SHOC2: variants seen among roughly 807,000 people sequenced by gnomAD.
The protein encoded by SHOC2 is leucine-rich repeat protein SHOC-2.
Under a neutral mutation model 50.2 loss-of-function variants are expected in SHOC2, and 4 were observed. The observed-to-expected ratio is 0.08, with a 90% CI of 0.04 to 0.18. The LOEUF (loss-of-function observed/expected upper bound fraction) is 0.18. SHOC2 is among the 10% of genes least tolerant of loss of function. The pLI, the probability that SHOC2 is intolerant of heterozygous loss-of-function variation, is 1.00. For synonymous variants in SHOC2, 218 were observed against 244.5 expected, an observed-to-expected ratio of 0.89 and a Z score of 1.01; for missense variants, 388 against 669.6, an observed-to-expected ratio of 0.58 and a Z score of 4.64.
chr10:110,976,705 A>G (rs1448087497), intron 2 of SHOC2, among the ~76,000 whole-genome samples: 4 of 151,974 alleles, frequency 2.6e-5, no homozygotes, highest in Non-Finnish European at 5.9e-5. Flanking sequence ...ACACCTCTGC[A>G]TTTTCTTATA....
At chr10:110,947,822 A>G (rs1397810929) in intron 1 of SHOC2, among the ~76,000 whole-genome samples, 1 of 152,078 alleles carries the variant, frequency 6.6e-6, no homozygotes, top group African/African-American at 2.4e-5. Context: ...GATGAAAGAA[A>G]TAGAGGAGCT....
intron 3 of SHOC2, among the ~76,000 whole-genome samples, chr10:110,989,895 T>G (rs1848149029): frequency 6.6e-6 from 1 of 152,160 alleles, no homozygotes; most frequent in African/African-American, 2.4e-5. Context: ...GTGTTCAGTA[T>G]AGTAAATATG....
intron 1 of SHOC2, among the ~76,000 whole-genome samples, chr10:110,958,278 G>A (rs1039819200): frequency 3.6e-4 from 54 of 151,068 alleles, no homozygotes; most frequent in African/African-American, 1.3e-3. Context: ...GCAGTGGTGC[G>A]ATCTTGGCTC....
chr10:110,989,911 C>T (rs1466530174), intron 3 of SHOC2, among the ~76,000 whole-genome samples: 1 of 152,010 alleles, frequency 6.6e-6, no homozygotes, highest in Non-Finnish European at 1.5e-5. Context: ...ATATGTCACA[C>T]AGTGACATAT....
chr10:110,925,633 T>G (rs1215297983), intron 1 of SHOC2, among the ~76,000 whole-genome samples: 1 of 152,166 alleles, frequency 6.6e-6, no homozygotes, highest in Non-Finnish European at 1.5e-5. Context: ...ATTTTTCTAT[T>G]TTTTGTAGAG....
At chr10:110,997,922 A>G (rs1336101447) in intron 3 of SHOC2, among the ~76,000 whole-genome samples, 2 of 151,720 alleles carry the variant, frequency 1.3e-5, no homozygotes, top group Non-Finnish European at 2.9e-5. Context: ...ATTATATATG[A>G]CTTAATTAAC....
chr10:110,956,134 T>C (rs1323776906), intron 1 of SHOC2, among the ~76,000 whole-genome samples: 1 of 152,110 alleles, frequency 6.6e-6, no homozygotes, highest in African/African-American at 2.4e-5. Flanking sequence ...GGTATCTGCA[T>C]GTGCCTAATT....
chr10:110,932,894 T>C (rs372112517), intron 1 of SHOC2, among the ~76,000 whole-genome samples: 8 of 152,216 alleles, frequency 5.3e-5, no homozygotes, highest in African/African-American at 1.7e-4. Flanking sequence ...TTTATATTTA[T>C]AAAAATTTAA....
intron 3 of SHOC2, among the ~76,000 whole-genome samples, chr10:110,997,838 A>G (rs1848296712): frequency 6.6e-6 from 1 of 152,042 alleles, no homozygotes; most frequent in Non-Finnish European, 1.5e-5. Flanking sequence ...TGGTTTTTCT[A>G]TTACATTGTG....
intron 1 of SHOC2, among the ~76,000 whole-genome samples, chr10:110,953,034 C>A (rs1037504174): frequency 6.6e-6 from 1 of 152,134 alleles, no homozygotes; most frequent in Non-Finnish European, 1.5e-5. Flanking sequence ...CATATGTGTG[C>A]ATGTGTCTTT....
At chr10:110,931,645 A>T (rs1340175987) in intron 1 of SHOC2, among the ~76,000 whole-genome samples, 3 of 152,148 alleles carry the variant, frequency 2.0e-5, no homozygotes, top group Non-Finnish European at 2.9e-5. Context: ...CATGCATGAG[A>T]TGAAACCTTG....
intron 1 of SHOC2, among the ~76,000 whole-genome samples, chr10:110,952,509 A>G (rs372070785): frequency 1.3e-5 from 2 of 151,846 alleles, no homozygotes; most frequent in Non-Finnish European, 2.9e-5. Flanking sequence ...TGTTCCACCT[A>G]TTCATCCCTC....
Position 111,007,618 on chromosome 10 carries a change from A to G in SHOC2, c.1249A>G (p.Ile417Val). ...TTTAGCCACTAATCAGCTCACAAAG[A>G]TCCCTGAGGATGTGTCTGGTCTCGT... ...LNLATNQLTKIPEDVSGLVSL... is the reference protein window; with the variant it reads ...LNLATNQLTKVPEDVSGLVSL... Residue 417 changes from isoleucine to valine, a missense_variant, in exon 6 of 9, where the codon ATC (isoleucine) becomes GTC (valine). Physicochemically the swap from Ile to Val is conservative, Grantham distance 29 (BLOSUM62 3). Coordinates refer to ENST00000369452, the MANE Select transcript of SHOC2 (RefSeq NM_007373.4). 6.2e-7 allele frequency: 1 copy of G among 1,613,746 alleles called. No individual in the cohort carries two copies. Among genetic ancestry groups the G allele is most frequent in the Non-Finnish European group, 8.5e-7 (1 of 1,179,766 alleles).
chr10:110,999,298 CT>C (rs1032475809), intron 3 of SHOC2, among the ~76,000 whole-genome samples: 2 of 152,062 alleles, frequency 1.3e-5, no homozygotes, highest in African/African-American at 2.4e-5. Flanking sequence ...GTCTTGTTAG[CT>C]TTTTTTGTAT....
chr10:111,011,160 A>C (rs1027943290), intron 8 of SHOC2, among the ~76,000 whole-genome samples: 2 of 152,234 alleles, frequency 1.3e-5, no homozygotes, highest in African/African-American at 4.8e-5. Flanking sequence ...TTTGCACATA[A>C]GAAATTTATT....
At chr10:110,986,109 A>G (rs1848071466) in intron 3 of SHOC2, among the ~76,000 whole-genome samples, 1 of 152,196 alleles carries the variant, frequency 6.6e-6, no homozygotes, top group Non-Finnish European at 1.5e-5. Flanking sequence ...TTTCTTTGCT[A>G]AAGTATTCCA....
chr10:110,968,138 G>A (rs1027891818), intron 2 of SHOC2, among the ~76,000 whole-genome samples: 9 of 152,134 alleles, frequency 5.9e-5, no homozygotes, highest in African/African-American at 1.9e-4. Context: ...GTTATTATCC[G>A]TCTTTTCTTA....
At chr10:110,950,821 G>A (rs1482595417) in intron 1 of SHOC2, among the ~76,000 whole-genome samples, 1 of 152,128 alleles carries the variant, frequency 6.6e-6, no homozygotes, top group Admixed American at 6.5e-5. Context: ...GCAGAAGCAT[G>A]AGCATAAAAA....
intron 1 of SHOC2, among the ~76,000 whole-genome samples, chr10:110,946,232 T>C (rs1590790278): frequency 6.6e-6 from 1 of 152,042 alleles, no homozygotes; most frequent in Admixed American, 6.6e-5. Flanking sequence ...TTTTTCATTT[T>C]AGTTTTACTG....
Sources: allele counts gnomAD v4.1 joint callset (sites outside exome capture counted in the v4.1 genomes callset), GRCh38; gene constraint gnomAD v4.1.1; transcripts MANE v1.5; gene names NCBI Gene and HGNC (gene_info 2026-07-23, HGNC 2026-07-21).